Variants in ELFN1 observed in about 807,000 individuals in gnomAD.
ELFN1 encodes extracellular leucine rich repeat and fibronectin type III domain containing 1, also known as protein ELFN1.
ELFN1 carries 6 observed loss-of-function variants against 7.6 expected under a neutral mutation model. The ratio of observed to expected loss-of-function variants is 0.79; its 90% CI spans 0.43 to 1.56. The LOEUF (loss-of-function observed/expected upper bound fraction) is 1.56, where lower values mean the gene tolerates loss of function less well. Among genes scored for constraint, ELFN1 ranks in the 40% most tolerant of loss-of-function variants. ELFN1 has a pLI of 0.01. For missense variants in ELFN1, 1,169 were observed against 1,232.2 expected, an observed-to-expected ratio of 0.95 and a Z score of 0.77; for synonymous variants, 657 against 588.1, an observed-to-expected ratio of 1.12 and a Z score of -1.70.
intron 1 of ELFN1, among the ~76,000 whole-genome samples, chr7:1,674,057 A>G (rs550863988): frequency 6.6e-6 from 1 of 151,170 alleles, no homozygotes; most frequent in Non-Finnish European, 1.5e-5. Context: ...TCAGGCGGCG[A>G]GGACCACTGC....
At chr7:1,693,612 G>A in intron 2 of ELFN1, 1 of 471,234 alleles carries the variant, frequency 2.1e-6, no homozygotes, top group Non-Finnish European at 4.4e-6. Context: ...ACCGCTGTGT[G>A]AACACCTCCG....
rs982521348 is a variant in ELFN1 at position 1,744,919 on chromosome 7, T to G, written c.323T>G (p.Phe108Cys). ...YIEDGAFSGQ[F>C]NLQVLQLGYN... ...GAGGACGGCGCCTTCTCGGGCCAGT[T>G]CAACCTGCAGGTGCTGCAGCTGGGC... Residue 108 changes from phenylalanine to cysteine, a missense_variant, in exon 4 of 4, where the codon TTC becomes TGC. Around this residue, in one of 2 missense-constraint regions of ELFN1, gnomAD observed 255 missense variants for 359.6 expected, o/e 0.71. Transcript: ENST00000424383. The G allele has an allele frequency of 6.4e-7, 1 of 1,552,974 alleles. No individual in the cohort carries two copies. Among genetic ancestry groups the G allele is most frequent in the Non-Finnish European group, 8.7e-7 (1 of 1,147,790 alleles).
At chr7:1,668,463 T>G (rs1778704836), upstream of ELFN1, among the ~76,000 whole-genome samples, 1 of 152,036 alleles carries the variant, frequency 6.6e-6, no homozygotes, top group African/African-American at 2.4e-5. Context: ...TCTCTTGGGG[T>G]TTATGTTTGG....
chr7:1,746,833 G>C lies in ELFN1; in HGVS notation c.2237G>C (p.Arg746Pro), dbSNP rs933268572. 1 of 1,535,936 alleles carries C rather than the reference G, an allele frequency of 6.5e-7. No homozygotes were observed. The highest frequency in any genetic ancestry group is 2.5e-5 in the East Asian group (1 of 40,238). ...GAGCCACTCACCCGGCCGCGGCCCC[G>C]CGACCTCGCCTACTCGCAGCTGTCC... is the stretch of plus-strand genomic sequence containing the variant. ...ILEPLTRPRP[R>P]DLAYSQLSPQ... Residue 746 changes from arginine (R) to proline (P), a missense_variant, in exon 4 of 4, where the codon CGC becomes CCC. Physicochemically the swap from Arg to Pro is moderately radical, Grantham distance 103. Around this residue, in one of 2 missense-constraint regions of ELFN1, gnomAD observed 914 missense variants for 872.6 expected, o/e 1.05. Transcript: ENST00000424383.
chr7:1,745,846 A>G lies in ELFN1; in HGVS notation c.1250A>G (p.His417Arg). 3.2e-6 allele frequency: 5 copies of G among 1,586,438 alleles called. No individual in the cohort carries two copies. Among genetic ancestry groups the G allele is most frequent in the Non-Finnish European group, 3.4e-6 (4 of 1,168,198 alleles). ...GPVPSPSTAT[H>R]YIMTILGCLF... ...GTGCCCAGCCCCTCCACGGCCACCC[A>G]CTACATCATGACCATCCTGGGCTGC... Residue 417 changes from histidine (H) to arginine (R), a missense_variant, in exon 4 of 4, where the codon CAC becomes CGC. His to Arg is a conservative substitution (Grantham distance 29). Coordinates refer to ENST00000424383, the MANE Select transcript of ELFN1 (RefSeq NM_001128636.4).
At chr7:1,672,223 C>T (rs972979123) in intron 1 of ELFN1, among the ~76,000 whole-genome samples, 2 of 152,192 alleles carry the variant, frequency 1.3e-5, no homozygotes, top group African/African-American at 2.4e-5. Flanking sequence ...TGGGCACCTG[C>T]ACCCAGGACC....
At chr7:1,675,591 C>G (rs1028604004) in intron 1 of ELFN1, among the ~76,000 whole-genome samples, 1 of 152,250 alleles carries the variant, frequency 6.6e-6, no homozygotes, top group African/African-American at 2.4e-5. Flanking sequence ...GCCCGCCCCA[C>G]ATGGATGAGA....
At chr7:1,736,087 G>A (rs931442896) in intron 3 of ELFN1, among the ~76,000 whole-genome samples, 2 of 152,162 alleles carry the variant, frequency 1.3e-5, no homozygotes, top group African/African-American at 4.8e-5. Flanking sequence ...CTTGCGGCTC[G>A]AGGCCCAACT....
At chr7:1,674,523 A>T (rs1017807299) in intron 1 of ELFN1, among the ~76,000 whole-genome samples, 5 of 151,856 alleles carry the variant, frequency 3.3e-5, no homozygotes, top group African/African-American at 1.2e-4. Context: ...AGTTTAGATA[A>T]CCCCACAGGA....
upstream of ELFN1, among the ~76,000 whole-genome samples, chr7:1,669,302 G>A (rs531292541): frequency 4.6e-5 from 7 of 152,152 alleles, no homozygotes; most frequent in African/African-American, 1.2e-4. Flanking sequence ...CGTGCCGGGG[G>A]TACTGAGGCC....
chr7:1,696,735 C>G lies in ELFN1; in HGVS notation c.-456+8585C>G, dbSNP rs112932747. On this transcript the variant is annotated intron_variant, in intron 2 of 3. Transcript: ENST00000424383. ...TTCCTTGTAAAGGCTCTAATCCCATCGTGGGCCCCACCCTCATGACCTCGG... is the reference window on the plus strand; with the variant it reads ...TTCCTTGTAAAGGCTCTAATCCCATGGTGGGCCCCACCCTCATGACCTCGG... 6.5e-3 allele frequency among the ~76,000 whole-genome samples: 983 copies of G among 152,224 alleles called. 20 individuals are homozygous for G. The highest frequency in any genetic ancestry group is 0.022 in the African/African-American group (934 of 41,524).
At chr7:1,680,124 G>A (rs1226134425) in intron 1 of ELFN1, among the ~76,000 whole-genome samples, 1 of 152,216 alleles carries the variant, frequency 6.6e-6, no homozygotes, top group South Asian at 2.1e-4. Context: ...GGGCTCCGTG[G>A]TCTGGATACG....
At chr7:1,687,099 G>A (rs1779074059) in intron 1 of ELFN1, among the ~76,000 whole-genome samples, 1 of 152,114 alleles carries the variant, frequency 6.6e-6, no homozygotes, top group Non-Finnish European at 1.5e-5. Flanking sequence ...CCTGCCCTGT[G>A]GGAATGACTG....
rs575538639 is a variant in ELFN1 at position 1,688,352 on chromosome 7, G to C, written c.-456+202G>C. On this transcript the variant is annotated intron_variant, in intron 2 of 3. Transcript: ENST00000424383. ...AGTTCTTCATTTTAATGTTACTCAA[G>C]TTCTCCTCCATGGTTAGCACTTTCT... 2.2e-3 allele frequency among the ~76,000 whole-genome samples: 335 copies of C among 152,144 alleles called. 7 individuals are homozygous for C. The South Asian group carries it at 0.032, about 14-fold the overall frequency.
At chr7:1,716,906 G>A (rs995314747) in intron 3 of ELFN1, among the ~76,000 whole-genome samples, 7 of 152,316 alleles carry the variant, frequency 4.6e-5, no homozygotes, top group Non-Finnish European at 8.8e-5. Flanking sequence ...GGGCCAGGGC[G>A]CAGGCAGCCG....
chr7:1,718,928 T>C (rs1053062665), intron 3 of ELFN1, among the ~76,000 whole-genome samples: 1 of 152,082 alleles, frequency 6.6e-6, no homozygotes, highest in Non-Finnish European at 1.5e-5. Context: ...GGAGCCACAC[T>C]CCAGGGGTTC....
intron 3 of ELFN1, among the ~76,000 whole-genome samples, chr7:1,729,903 G>T (rs1402101918): frequency 6.6e-6 from 1 of 152,230 alleles, no homozygotes; most frequent in African/African-American, 2.4e-5. Flanking sequence ...CCATCTGTCA[G>T]CACGGATGCC....
chr7:1,679,374 C>T (rs1778932543), intron 1 of ELFN1, among the ~76,000 whole-genome samples: 1 of 152,166 alleles, frequency 6.6e-6, no homozygotes, highest in African/African-American at 2.4e-5. Flanking sequence ...GGGACCTCCC[C>T]AAGCCTGGGG....
At chr7:1,685,837 G>A (rs1422757879) in intron 1 of ELFN1, among the ~76,000 whole-genome samples, 2 of 147,316 alleles carry the variant, frequency 1.4e-5, no homozygotes, top group Non-Finnish European at 3.0e-5. Flanking sequence ...CCATCTTTAT[G>A]TCTTTGAATG....
Sources: gnomAD v4.1 joint callset for allele counts (sites outside exome capture counted in the v4.1 genomes callset) on GRCh38, gnomAD v4.1.1 for gene constraint, gnomAD v4.1.1 regional missense constraint, MANE v1.5 for transcripts, NCBI Gene and HGNC (gene_info 2026-07-23, HGNC 2026-07-21) for gene names.